The following CPNE4 variants were observed in gnomAD, a reference collection of about 807,000 sequenced individuals.
CPNE4 encodes copine 4, also known as copine-4.
In CPNE4, 25 loss-of-function variants were observed where a neutral mutation model predicts 67.9. The observed-to-expected ratio is 0.37, with a 90% CI of 0.27 to 0.51. CPNE4 has a LOEUF of 0.51. CPNE4 is among the 20% of genes least tolerant of loss of function. The probability of loss-of-function intolerance (pLI) is 0.93; values close to 1 mark genes in which losing one functional copy is unlikely to be tolerated. For missense variants in CPNE4, 464 were observed against 690.8 expected (o/e 0.67, Z 3.68); for synonymous variants, 242 against 244.9 (o/e 0.99, Z 0.11).
At chr3:131,998,172 T>C (rs1330572373) in intron 1 of CPNE4, among the ~76,000 whole-genome samples, 2 of 152,146 alleles carry the variant, frequency 1.3e-5, no homozygotes, top group Admixed American at 1.3e-4. Context: ...TTTAAAGGCA[T>C]AGAAATGCTA....
At chr3:131,708,174 T>A (rs11714892) in intron 3 of CPNE4, among the ~76,000 whole-genome samples, 20,738 of 151,950 alleles carry the variant, frequency 0.14, 1,631 homozygotes, top group African/African-American at 0.2. Context: ...TCATGACTGA[T>A]TGATGGGCTG....
intron 6 of CPNE4, among the ~76,000 whole-genome samples, chr3:131,678,736 A>T (rs1202538073): frequency 6.6e-6 from 1 of 152,188 alleles, no homozygotes; most frequent in Non-Finnish European, 1.5e-5. Context: ...GATGAATCAC[A>T]TTTATTGATT....
intron 2 of CPNE4, among the ~76,000 whole-genome samples, chr3:131,731,432 C>G (rs141620932): frequency 6.0e-4 from 92 of 152,304 alleles, no homozygotes; most frequent in African/African-American, 2.0e-3. Context: ...AAGCTGCTGG[C>G]TCCATCCACA....
At chr3:131,974,704 A>C (rs1338773712) in intron 1 of CPNE4, among the ~76,000 whole-genome samples, 1 of 152,136 alleles carries the variant, frequency 6.6e-6, no homozygotes, top group East Asian at 1.9e-4. Flanking sequence ...ACTGTTCAAA[A>C]GGGATTAAAG....
chr3:131,912,997 C>T (rs539973320), intron 1 of CPNE4, among the ~76,000 whole-genome samples: 3 of 151,950 alleles, frequency 2.0e-5, no homozygotes, highest in African/African-American at 7.2e-5. Flanking sequence ...AACAGACACT[C>T]GTATATGAGA....
At chr3:131,908,403 G>C (rs1314615705) in intron 1 of CPNE4, among the ~76,000 whole-genome samples, 1 of 152,098 alleles carries the variant, frequency 6.6e-6, no homozygotes, top group Non-Finnish European at 1.5e-5. Flanking sequence ...GTTCAGACAG[G>C]TTTGTAAGTG....
intron 1 of CPNE4, among the ~76,000 whole-genome samples, chr3:132,026,357 G>A (rs2074116001): frequency 6.6e-6 from 1 of 152,162 alleles, no homozygotes; most frequent in African/African-American, 2.4e-5. Context: ...ATGTTACAAG[G>A]CACACAATGC....
intron 3 of CPNE4, among the ~76,000 whole-genome samples, chr3:131,717,617 C>T (rs2081733597): frequency 6.6e-6 from 1 of 152,180 alleles, no homozygotes; most frequent in Non-Finnish European, 1.5e-5. Context: ...CCAAATCGCT[C>T]CCCCAGTTAG....
intron 2 of CPNE4, among the ~76,000 whole-genome samples, chr3:131,744,485 T>A (rs909299148): frequency 4.6e-5 from 7 of 152,208 alleles, no homozygotes; most frequent in Non-Finnish European, 7.3e-5. Flanking sequence ...CCTACAAAGC[T>A]ATAGCATAAT....
At chr3:131,610,305 G>A (rs573200924) in intron 7 of CPNE4, among the ~76,000 whole-genome samples, 1 of 152,306 alleles carries the variant, frequency 6.6e-6, no homozygotes, top group African/African-American at 2.4e-5. Flanking sequence ...TCTTCAGGGT[G>A]CTACAGGAAC....
intron 3 of CPNE4, 50 bp from the exon 4 acceptor site, chr3:131,700,030 T>C (rs750931267): frequency 1.7e-5 from 20 of 1,173,600 alleles, no homozygotes; most frequent in Admixed American, 5.9e-5. Context: ...ACTAGTCATT[T>C]AACTGTAGAT....
chr3:131,555,123 C>G (rs1185369086), intron 12 of CPNE4, among the ~76,000 whole-genome samples: 1 of 152,034 alleles, frequency 6.6e-6, no homozygotes, highest in Admixed American at 6.6e-5. Flanking sequence ...ACTCCATTGT[C>G]ACGGACTTTC....
intron 7 of CPNE4, among the ~76,000 whole-genome samples, chr3:131,595,794 C>T (rs1302931846): frequency 4.6e-5 from 7 of 152,178 alleles, no homozygotes; most frequent in South Asian, 2.1e-4. Context: ...TTGGGAATCA[C>T]GTTTCAACAT....
intron 2 of CPNE4, among the ~76,000 whole-genome samples, chr3:131,887,104 C>G (rs1236153034): frequency 6.6e-6 from 1 of 152,178 alleles, no homozygotes; most frequent in African/African-American, 2.4e-5. Flanking sequence ...GAATTTTACT[C>G]TCATGATTCC....
chr3:132,039,385 G>C (rs2107712338), upstream of CPNE4: 1 of 152,344 alleles, frequency 6.6e-6, no homozygotes, highest in East Asian at 1.9e-4. Flanking sequence ...CTGGGGCTTT[G>C]ATATCATAAA....
intron 14 of CPNE4, among the ~76,000 whole-genome samples, chr3:131,547,851 T>C (rs148498267): frequency 1.1e-4 from 17 of 152,256 alleles, no homozygotes; most frequent in Admixed American, 9.2e-4. Flanking sequence ...ATTTGTTTCT[T>C]ATGGATAGCT....
chr3:132,023,772 C>T (rs552729787), intron 1 of CPNE4, among the ~76,000 whole-genome samples: 111 of 152,242 alleles, frequency 7.3e-4, no homozygotes, highest in African/African-American at 2.6e-3. Context: ...CAGGCGTGAG[C>T]CACCGCACCC....
At chr3:131,708,635 C>T (rs1054702476) in intron 3 of CPNE4, among the ~76,000 whole-genome samples, 7 of 152,016 alleles carry the variant, frequency 4.6e-5, no homozygotes, top group African/African-American at 1.7e-4. Flanking sequence ...CAAGGGGGAG[C>T]TGAGGGATGA....
At chr3:131,638,633 G>C (rs1185616760) in intron 7 of CPNE4, among the ~76,000 whole-genome samples, 1 of 152,072 alleles carries the variant, frequency 6.6e-6, no homozygotes, top group Non-Finnish European at 1.5e-5. Context: ...AGTCAACAAA[G>C]AAACAATGGA....
Sources: gnomAD v4.1 joint callset for allele counts (sites outside exome capture counted in the v4.1 genomes callset) on GRCh38, gnomAD v4.1.1 for gene constraint, MANE v1.5 for transcripts, NCBI Gene and HGNC (gene_info 2026-07-23, HGNC 2026-07-21) for gene names.